The following HCN1 variants were observed in gnomAD, a reference collection of about 807,000 sequenced individuals.
HCN1 encodes the protein potassium/sodium hyperpolarization-activated cyclic nucleotide-gated channel 1.
A neutral mutation model predicts 78.9 loss-of-function variants in HCN1; 13 were observed. The ratio of observed to expected loss-of-function variants is 0.16; its 90% confidence interval spans 0.11 to 0.26. The LOEUF (loss-of-function observed/expected upper bound fraction) is 0.26. Among genes scored for constraint, HCN1 ranks in the 10% least tolerant of loss-of-function variants. HCN1 has a pLI of 1.00. For synonymous variants in HCN1, 552 were observed against 455.5 expected (o/e 1.21, Z -2.70); for missense variants, 810 against 1,154.3 (o/e 0.70, Z 4.32).
rs577621584 is a variant in HCN1, at chr5:45,353,002, G to T, written c.1377+98C>A. 3.5e-4 allele frequency: 350 copies of T among 987,800 alleles called. 2 individuals carry two copies. The African/African-American group carries it at 5.2e-3, about 15-fold the overall frequency. The allele number at this position is 987,800 out of a possible 1,614,324, so 61.2% of individuals were successfully genotyped here. A position where few individuals can be genotyped will look rare whatever the true frequency, so the allele number is the denominator to read the frequency against. On this transcript the variant is annotated intron_variant, in intron 5 of 7. Transcript: ENST00000303230. ...AGGACAAAATATCTTAATAAGTTTA[G>T]GTTTTTCTTTAGAGTAACGTGGACT...
At chr5:45,464,980 C>G (rs1741238811) in intron 2 of HCN1, among the ~76,000 whole-genome samples, 1 of 152,130 alleles carries the variant, frequency 6.6e-6, no homozygotes. Flanking sequence ...TGACTTTATT[C>G]ACCTTACTAA....
chr5:45,306,916 G>C (rs756580425), intron 5 of HCN1, among the ~76,000 whole-genome samples: 1 of 152,020 alleles, frequency 6.6e-6, no homozygotes, highest in Non-Finnish European at 1.5e-5. Flanking sequence ...AGATTATTAA[G>C]TTTATGTTGG....
At chr5:45,546,837 C>A (rs1169498561) in intron 2 of HCN1, among the ~76,000 whole-genome samples, 1 of 151,788 alleles carries the variant, frequency 6.6e-6, no homozygotes, top group African/African-American at 2.4e-5. Context: ...CAGTTCAATT[C>A]TTCAGAAACA....
intron 6 of HCN1, among the ~76,000 whole-genome samples, chr5:45,273,236 A>T (rs769110037): frequency 8.5e-4 from 129 of 152,098 alleles, no homozygotes; most frequent in Non-Finnish European, 1.5e-3. Flanking sequence ...TTGGTAATGC[A>T]TCCTGTATAG....
At chr5:45,387,102 C>T (rs1747937777) in intron 4 of HCN1, among the ~76,000 whole-genome samples, 1 of 151,656 alleles carries the variant, frequency 6.6e-6, no homozygotes, top group Non-Finnish European at 1.5e-5. Flanking sequence ...CTGGTATAGT[C>T]AGAAAAAAAG....
intron 2 of HCN1, among the ~76,000 whole-genome samples, chr5:45,476,328 A>G (rs1741514716): frequency 6.6e-6 from 1 of 152,078 alleles, no homozygotes; most frequent in Non-Finnish European, 1.5e-5. Flanking sequence ...GCATTGTTTA[A>G]GCCACCCCAG....
intron 2 of HCN1, among the ~76,000 whole-genome samples, chr5:45,634,677 A>G (rs1406078818): frequency 1.3e-5 from 2 of 152,042 alleles, no homozygotes; most frequent in Admixed American, 6.6e-5. Context: ...CTTCTACAAC[A>G]AATATGTGTC....
rs561437553 is a variant in HCN1, at chr5:45,545,504, A to G, written c.850-83497T>C. Among the ~76,000 whole-genome samples, 316 of 152,242 alleles carry G rather than the reference A, an allele frequency of 2.1e-3. 2 individuals are homozygous for G. Among genetic ancestry groups the G allele is most frequent in the African/African-American group, 6.8e-3 (283 of 41,550 alleles). ...TTGTTGCCATTGCTTTTGGGGTTTTAGTCATGAAGTCCTTGCCCATGCCTA... is the reference window on the plus strand; with the variant it reads ...TTGTTGCCATTGCTTTTGGGGTTTTGGTCATGAAGTCCTTGCCCATGCCTA... On this transcript the variant is annotated intron_variant, in intron 2 of 7. Transcript: ENST00000303230.
At chr5:45,429,250 A>T (rs1740415050) in intron 3 of HCN1, among the ~76,000 whole-genome samples, 1 of 152,154 alleles carries the variant, frequency 6.6e-6, no homozygotes, top group Non-Finnish European at 1.5e-5. Flanking sequence ...ACCAGCCCAA[A>T]AGTTAGTGGA....
intron 2 of HCN1, among the ~76,000 whole-genome samples, chr5:45,565,768 C>A (rs1025670604): frequency 6.6e-6 from 1 of 152,140 alleles, no homozygotes; most frequent in African/African-American, 2.4e-5. Flanking sequence ...CACACCACTG[C>A]ACCCAGCAAG....
At chr5:45,274,739 T>C (rs185165273) in intron 6 of HCN1, among the ~76,000 whole-genome samples, 229 of 152,318 alleles carry the variant, frequency 1.5e-3, no homozygotes, top group Non-Finnish European at 2.8e-3. Context: ...AAACTAATCA[T>C]ACAAATTCCT....
At position 45,280,341 on chromosome 5, in the gene HCN1, T is replaced by C. The variant is rs114708831; in HGVS notation, c.1619-13088A>G. ...AAAGAATCTCAGAAGAAAAACAAAA[T>C]AAATGCAAAGAGAAATCATCTGAAT... On this transcript the variant is annotated intron_variant, in intron 6 of 7. Coordinates refer to ENST00000303230, the MANE Select transcript of HCN1 (RefSeq NM_021072.4). Among the ~76,000 whole-genome samples the C allele has an allele frequency of 6.6e-3, 1,009 of 152,216 alleles. 14 individuals carry two copies. Among genetic ancestry groups the C allele is most frequent in the African/African-American group, 0.023 (963 of 41,554 alleles).
chr5:45,430,180 T>C (rs1484455923), intron 3 of HCN1, among the ~76,000 whole-genome samples: 1 of 152,174 alleles, frequency 6.6e-6, no homozygotes, highest in African/African-American at 2.4e-5. Context: ...CAGATCCTAA[T>C]TACAGAAAGA....
At position 45,393,990 on chromosome 5, in the gene HCN1, C is replaced by T. The variant is rs950507325; in HGVS notation, c.1230+2502G>A. On this transcript the variant is annotated intron_variant, in intron 4 of 7. Coordinates refer to ENST00000303230, the MANE Select transcript of HCN1 (RefSeq NM_021072.4). ...CCTGATAGAACTAGTGAATACATTC[C>T]TTTTGAGAGAGAAGTTCCTCTGCTG... Among the ~76,000 whole-genome samples the T allele has an allele frequency of 3.3e-5, 5 of 152,096 alleles. No homozygotes were observed. The East Asian group carries it at 9.6e-4, about 29-fold the overall frequency.
intron 5 of HCN1, among the ~76,000 whole-genome samples, chr5:45,329,067 G>C (rs1746290741): frequency 6.6e-6 from 1 of 151,546 alleles, no homozygotes; most frequent in African/African-American, 2.4e-5. Context: ...TAGGAAAATA[G>C]ATTCAAGATT....
At chr5:45,643,150 T>C (rs1745485941) in intron 2 of HCN1, 1 of 152,104 alleles carries the variant, frequency 6.6e-6, no homozygotes, top group African/African-American at 2.4e-5. Context: ...ACACATCATG[T>C]TACACAGATC....
chr5:45,616,930 C>T (rs1055404156), intron 2 of HCN1, among the ~76,000 whole-genome samples: 1 of 151,912 alleles, frequency 6.6e-6, no homozygotes, highest in Non-Finnish European at 1.5e-5. Context: ...TCCTAAATAC[C>T]TCAGCATTTA....
Position 45,255,383 on chromosome 5 carries a change from A to AT in HCN1, c.*6537dup, listed in dbSNP as rs1237879542. 1 of 152,112 alleles carries AT rather than the reference A, an allele frequency of 6.6e-6. No homozygotes were observed. Among genetic ancestry groups the AT allele is most frequent in the African/African-American group, 2.4e-5 (1 of 41,412 alleles). 9.4% of individuals were successfully genotyped at this position (152,112 alleles called of 1,614,324 possible). On this transcript the variant is annotated 3_prime_UTR_variant, in exon 8 of 8. Coordinates refer to ENST00000303230, the MANE Select transcript of HCN1 (RefSeq NM_021072.4). ...CCTCCTCTAGGACTTACTAGTTCCA[A>AT]TTTTTTCAATATTAATACACATATG... is the stretch of plus-strand genomic sequence containing the variant.
In HCN1 at chr5:45,374,047, T is replaced by C. The variant is rs182621001; in HGVS notation, c.1231-20801A>G. On this transcript the variant is annotated intron_variant, in intron 4 of 7. Transcript: ENST00000303230. Reference sequence around the variant, plus strand: ...TATATATTATATACATAATATATATTATATATATTATATATATAATATATA... The same window carrying C: ...TATATATTATATACATAATATATATCATATATATTATATATATAATATATA... 4.2e-5 allele frequency among the ~76,000 whole-genome samples: 4 copies of C among 95,832 alleles called. No individual in the cohort carries two copies. In the South Asian group the frequency reaches 7.9e-4, roughly 19 times the overall value. The allele number at this position is 95,832 out of a possible 152,430, so 62.9% of individuals were successfully genotyped here.
Sources: gnomAD v4.1 joint callset for allele counts (sites outside exome capture counted in the v4.1 genomes callset) on GRCh38, gnomAD v4.1.1 for gene constraint, MANE v1.5 for transcripts, NCBI Gene and HGNC (gene_info 2026-07-23, HGNC 2026-07-21) for gene names.